Variants in CTNNA3 observed in about 807,000 individuals in gnomAD.
CTNNA3 encodes the protein catenin alpha 3, also known as catenin alpha-3.
In CTNNA3, 76 loss-of-function variants were observed where a neutral mutation model predicts 95.7. That is an observed-to-expected ratio of 0.79 (90% CI 0.66 to 0.96). CTNNA3 has a LOEUF of 0.96. Ranked by LOEUF, CTNNA3 falls within the 40% of genes least tolerant of loss-of-function variation. The probability of loss-of-function intolerance (pLI) is 0.00; values close to 1 mark genes in which losing one functional copy is unlikely to be tolerated. For missense variants in CTNNA3, 1,191 were observed against 1,089.8 expected (o/e 1.09, Z -1.31); for synonymous variants, 431 against 374.4 (o/e 1.15, Z -1.74).
intron 2 of CTNNA3, among the ~76,000 whole-genome samples, chr10:67,620,044 C>T (rs989285347): frequency 1.3e-5 from 2 of 151,830 alleles, no homozygotes. Context: ...TGGGCCTGCC[C>T]TGAGTTCACC....
intron 1 of CTNNA3, among the ~76,000 whole-genome samples, chr10:67,655,992 A>G (rs1840014642): frequency 6.6e-6 from 1 of 152,180 alleles, no homozygotes; most frequent in Non-Finnish European, 1.5e-5. Context: ...TTTGCCATAC[A>G]ATATTATCAT....
chr10:67,745,319 C>A (rs530915451), intron 1 of CTNNA3, among the ~76,000 whole-genome samples: 537 of 152,086 alleles, frequency 3.5e-3, no homozygotes, highest in Non-Finnish European at 5.0e-3. Flanking sequence ...CCATGGAATA[C>A]CATGCAGCCA....
At chr10:67,425,709 C>T (rs1368332740) in intron 5 of CTNNA3, among the ~76,000 whole-genome samples, 2 of 152,068 alleles carry the variant, frequency 1.3e-5, no homozygotes, top group Non-Finnish European at 2.9e-5. Context: ...ATATCACTCA[C>T]TCCATAATGA....
chr10:67,199,908 A>C (rs573913060), intron 6 of CTNNA3, among the ~76,000 whole-genome samples: 1 of 152,324 alleles, frequency 6.6e-6, no homozygotes, highest in Non-Finnish European at 1.5e-5. Flanking sequence ...AAATCCCATC[A>C]CTGAACACCG....
chr10:67,362,439 T>C (rs757503337), intron 5 of CTNNA3, among the ~76,000 whole-genome samples: 1 of 152,134 alleles, frequency 6.6e-6, no homozygotes, highest in African/African-American at 2.4e-5. Context: ...TCAAGTGAGC[T>C]TCACTCCAAT....
intron 12 of CTNNA3, among the ~76,000 whole-genome samples, chr10:66,376,498 A>T (rs2132480388): frequency 6.6e-6 from 1 of 152,274 alleles, no homozygotes; most frequent in East Asian, 1.9e-4. Flanking sequence ...CACTTAGAAG[A>T]TCATCAAATT....
At chr10:66,867,854 A>G (rs1844241219) in intron 7 of CTNNA3, among the ~76,000 whole-genome samples, 1 of 150,820 alleles carries the variant, frequency 6.6e-6, no homozygotes, top group Admixed American at 6.6e-5. Flanking sequence ...TGTCTGCCAC[A>G]CAAAAACTTT....
intron 1 of CTNNA3, among the ~76,000 whole-genome samples, chr10:67,710,957 T>C (rs1841103991): frequency 6.6e-6 from 1 of 152,154 alleles, no homozygotes; most frequent in South Asian, 2.1e-4. Flanking sequence ...GGTATTTGAA[T>C]CATGGGGGCA....
intron 1 of CTNNA3, among the ~76,000 whole-genome samples, chr10:67,666,649 T>G (rs1840335949): frequency 6.6e-6 from 1 of 152,166 alleles, no homozygotes; most frequent in South Asian, 2.1e-4. Flanking sequence ...TATTAGATTC[T>G]GAAAGCCCAC....
chr10:67,312,222 A>G (rs112289149), intron 5 of CTNNA3, among the ~76,000 whole-genome samples: 4,091 of 151,998 alleles, frequency 0.027, 109 homozygotes, highest in South Asian at 0.1. Context: ...ACAGGCACGC[A>G]CCACCGTGCC....
At chr10:65,965,525 C>G (rs1419366351) in intron 17 of CTNNA3, among the ~76,000 whole-genome samples, 1 of 148,822 alleles carries the variant, frequency 6.7e-6, no homozygotes, top group Non-Finnish European at 1.5e-5. Context: ...GTGCCTCAGA[C>G]TACTGAGTAG....
At chr10:66,663,897 G>T (rs980046692) in intron 9 of CTNNA3, among the ~76,000 whole-genome samples, 1 of 152,014 alleles carries the variant, frequency 6.6e-6, no homozygotes, top group African/African-American at 2.4e-5. Context: ...ATTAGCATTA[G>T]TCTCCAAAGA....
intron 5 of CTNNA3, among the ~76,000 whole-genome samples, chr10:67,360,416 G>GA (rs74859730): frequency 0.077 from 7,630 of 99,166 alleles, 243 homozygotes; most frequent in East Asian, 0.19. Flanking sequence ...GAGCAAGCAG[G>GA]AAAAAAAAAA....
At chr10:66,125,197 A>C (rs558991648) in intron 13 of CTNNA3, among the ~76,000 whole-genome samples, 1 of 152,290 alleles carries the variant, frequency 6.6e-6, no homozygotes, top group Non-Finnish European at 1.5e-5. Flanking sequence ...AATGAAGGTA[A>C]AATTAAATCT....
intron 13 of CTNNA3, among the ~76,000 whole-genome samples, chr10:66,252,753 G>A (rs955709284): frequency 3.3e-5 from 5 of 152,222 alleles, no homozygotes; most frequent in African/African-American, 1.2e-4. Context: ...GAGGTGGAAG[G>A]ACTTGGTGAA....
chr10:67,078,651 G>T (rs1480255876), intron 7 of CTNNA3, among the ~76,000 whole-genome samples: 3 of 151,918 alleles, frequency 2.0e-5, no homozygotes, highest in Non-Finnish European at 2.9e-5. Flanking sequence ...CAAGTAGCTG[G>T]GATTACAGGC....
intron 10 of CTNNA3, among the ~76,000 whole-genome samples, chr10:66,536,411 G>A (rs1357529456): frequency 6.7e-6 from 1 of 149,916 alleles, no homozygotes; most frequent in Non-Finnish European, 1.5e-5. Context: ...GAACCCCGGA[G>A]GCAGAGATTG....
rs534016432 is a variant in CTNNA3 at position 66,857,880 on chromosome 10, T to C, written c.1048-82356A>G. Among the ~76,000 whole-genome samples, 11 of 152,178 alleles carry C rather than the reference T, an allele frequency of 7.2e-5. No individual in the cohort carries two copies. In the South Asian group the frequency reaches 1.9e-3, roughly 26 times the overall value. On this transcript the variant is annotated intron_variant, in intron 7 of 17. Coordinates refer to ENST00000433211, the MANE Select transcript of CTNNA3 (RefSeq NM_013266.4). ...GATAGTTGGACTTCCTCTCTTTCTA[T>C]TTGGATGTCTTTAATTTCTTGCTCT... is the stretch of plus-strand genomic sequence containing the variant.
chr10:66,854,873 T>C (rs1237429688), intron 7 of CTNNA3, among the ~76,000 whole-genome samples: 2 of 151,842 alleles, frequency 1.3e-5, no homozygotes, highest in East Asian at 3.9e-4. Flanking sequence ...AGATATAAGT[T>C]AGAATTATGG....
Sources: gnomAD v4.1 joint callset for allele counts (sites outside exome capture counted in the v4.1 genomes callset) on GRCh38, gnomAD v4.1.1 for gene constraint, MANE v1.5 for transcripts, NCBI Gene and HGNC (gene_info 2026-07-23, HGNC 2026-07-21) for gene names.